ZNF560: variants seen among roughly 807,000 people sequenced by gnomAD.
The protein encoded by ZNF560 is zinc finger protein 560.
Under a neutral mutation model 81.8 loss-of-function variants are expected in ZNF560, and 54 were observed. The observed-to-expected ratio is 0.66, with a 90% confidence interval of 0.53 to 0.83. ZNF560 has a LOEUF of 0.83. Among genes scored for constraint, ZNF560 ranks in the 40% least tolerant of loss-of-function variants. The pLI is 0.00. For missense variants in ZNF560, 940 were observed against 932.4 expected, an observed-to-expected ratio of 1.01 and a Z score of -0.11; for synonymous variants, 321 against 317.9, an observed-to-expected ratio of 1.01 and a Z score of -0.10.
At chr19:9,480,252 A>C in intron 2 of ZNF560, among the ~76,000 whole-genome samples, 1 of 152,344 alleles carries the variant, frequency 6.6e-6, no homozygotes, top group Middle Eastern at 3.4e-3. Flanking sequence ...CAACAAAGCA[A>C]GTCTTAACAA....
At chr19:9,486,672 G>A (rs1158604318) in intron 2 of ZNF560, among the ~76,000 whole-genome samples, 1 of 151,902 alleles carries the variant, frequency 6.6e-6, no homozygotes, top group Non-Finnish European at 1.5e-5. Context: ...CCCAGGAGGT[G>A]GAGGTTGCAG....
At chr19:9,482,999 A>G (rs1348863584) in intron 2 of ZNF560, among the ~76,000 whole-genome samples, 1 of 152,024 alleles carries the variant, frequency 6.6e-6, no homozygotes, top group Non-Finnish European at 1.5e-5. Flanking sequence ...CAGTGGCGTG[A>G]TCTTGGCTCG....
chr19:9,504,943 G>T, the ZNF560 span, among the ~76,000 whole-genome samples: 1 of 152,084 alleles, frequency 6.6e-6, no homozygotes, highest in Admixed American at 6.5e-5. Context: ...AAATCAGCTG[G>T]GTGTGGTGGC....
intron 5 of ZNF560, among the ~76,000 whole-genome samples, chr19:9,472,109 C>CA (rs35628783): frequency 0.039 from 5,013 of 129,910 alleles, 194 homozygotes; most frequent in South Asian, 0.12. Flanking sequence ...GACTCCGTCT[C>CA]AAAAAAAAAA....
chr19:9,464,754 G>T (rs368893874), downstream of ZNF560, among the ~76,000 whole-genome samples: 2 of 152,172 alleles, frequency 1.3e-5, no homozygotes, highest in African/African-American at 4.8e-5. Flanking sequence ...AGCAACTAGA[G>T]TGGTGTTGCT....
chr19:9,466,160 C>T (rs2073011321), downstream of ZNF560, among the ~76,000 whole-genome samples: 1 of 151,808 alleles, frequency 6.6e-6, no homozygotes, highest in South Asian at 2.1e-4. Context: ...GCTTGGCCAA[C>T]ATGGTGAAAT....
chr19:9,504,093 C>A, the ZNF560 span, among the ~76,000 whole-genome samples: 2 of 152,166 alleles, frequency 1.3e-5, no homozygotes, highest in African/African-American at 4.8e-5. Context: ...TAGCTTAATT[C>A]TGTTGTGTTC....
chr19:9,454,578 G>C, the ZNF560 span, among the ~76,000 whole-genome samples: 1 of 152,212 alleles, frequency 6.6e-6, no homozygotes, highest in African/African-American at 2.4e-5. Flanking sequence ...AGGCTTATTT[G>C]AGTCTGCCTC....
chr19:9,479,404 A>G lies in ZNF560; in HGVS notation c.-56-4035T>C, dbSNP rs73501857. Among the ~76,000 whole-genome samples the G allele has an allele frequency of 5.4e-3, 827 of 152,244 alleles. 8 individuals carry two copies. The highest frequency in any genetic ancestry group is 0.019 in the African/African-American group (799 of 41,552). On this transcript the variant is annotated intron_variant, in intron 2 of 9. Transcript: ENST00000301480. ...ATTAAAAACAAAAGGGCAGGGGAAA[A>G]AACACTCCACACAGATAGAAACCAA...
chr19:9,478,804 A>G (rs1361764156), intron 2 of ZNF560, among the ~76,000 whole-genome samples: 1 of 152,096 alleles, frequency 6.6e-6, no homozygotes, highest in African/African-American at 2.4e-5. Context: ...TCAAAAGTAC[A>G]CTAGAGAAAA....
At chr19:9,459,510 T>C in the ZNF560 span, among the ~76,000 whole-genome samples, 22,892 of 152,140 alleles carry the variant, frequency 0.15, 2,584 homozygotes, top group African/African-American at 0.31. Context: ...GACTGAACAC[T>C]AGGCCATGGG....
At chr19:9,451,153 A>G in the ZNF560 span, among the ~76,000 whole-genome samples, 387 of 152,332 alleles carry the variant, frequency 2.5e-3, 2 homozygotes, top group African/African-American at 9.1e-3. Flanking sequence ...ACTGAAAAAG[A>G]GCCCAAATAG....
chr19:9,503,831 C>T, the ZNF560 span, among the ~76,000 whole-genome samples: 8 of 152,100 alleles, frequency 5.3e-5, no homozygotes, highest in South Asian at 2.1e-4. Context: ...AGTCATTGTG[C>T]CCAACCTAAT....
upstream of ZNF560, among the ~76,000 whole-genome samples, chr19:9,501,802 A>G (rs1007340981): frequency 1.3e-5 from 2 of 152,084 alleles, no homozygotes; most frequent in Admixed American, 1.3e-4. Flanking sequence ...TCCCAGCAAG[A>G]GATATTTTTT....
intron 2 of ZNF560, among the ~76,000 whole-genome samples, chr19:9,494,460 T>A (rs1186844046): frequency 6.6e-6 from 1 of 151,936 alleles, no homozygotes; most frequent in Non-Finnish European, 1.5e-5. Flanking sequence ...GGAGGCCAGG[T>A]GCAGGGGCTC....
At chr19:9,471,223 G>A in intron 6 of ZNF560, 73 bp downstream of exon 6, 1 of 1,126,142 alleles carries the variant, frequency 8.9e-7, no homozygotes, top group Non-Finnish European at 1.3e-6. Context: ...TATCTTTTGT[G>A]CTTATTTTCT....
At chr19:9,470,619 G>A in intron 6 of ZNF560, 101 bp from the exon 7 acceptor site, 1 of 1,537,748 alleles carries the variant, frequency 6.5e-7, no homozygotes, top group South Asian at 1.1e-5. Flanking sequence ...AGGGTACTGA[G>A]TGCTCCCACT....
chr19:9,491,061 G>A (rs1049224921), intron 2 of ZNF560, among the ~76,000 whole-genome samples: 10 of 152,130 alleles, frequency 6.6e-5, no homozygotes, highest in Non-Finnish European at 1.5e-4. Context: ...ACCTTTACAG[G>A]CTACAAAGTA....
downstream of ZNF560, among the ~76,000 whole-genome samples, chr19:9,463,275 G>A (rs555793234): frequency 6.6e-6 from 1 of 152,162 alleles, no homozygotes; most frequent in South Asian, 2.1e-4. Context: ...AAATAAAAAA[G>A]GAAATCAGCT....
Sources: allele counts gnomAD v4.1 joint callset (sites outside exome capture counted in the v4.1 genomes callset), GRCh38; gene constraint gnomAD v4.1.1; transcripts MANE v1.5; gene names NCBI Gene and HGNC (gene_info 2026-07-23, HGNC 2026-07-21).